The following IL1RAPL2 variants were observed in gnomAD, a reference collection of about 807,000 sequenced individuals.
IL1RAPL2 encodes interleukin 1 receptor accessory protein like 2.
IL1RAPL2 carries 3 observed loss-of-function variants against 44.1 expected under a neutral mutation model. The ratio of observed to expected loss-of-function variants is 0.07; its 90% CI spans 0.03 to 0.18. IL1RAPL2 has a LOEUF of 0.18. IL1RAPL2 is among the 10% of genes least tolerant of loss of function. The pLI is 1.00. For synonymous variants in IL1RAPL2, 181 were observed against 178.8 expected (o/e 1.01, Z -0.10); for missense variants, 391 against 496.4 (o/e 0.79, Z 2.02).
At position 105,525,051 on chromosome X, in the gene IL1RAPL2, A is replaced by G. The variant is rs183203590; in HGVS notation, c.772+40664A>G. ...TCTAGGATATTTTCTTGTTGCTGCT[A>G]GTTTGGGTTCACATTGTGACCCACT... is the stretch of plus-strand genomic sequence containing the variant. On this transcript the variant is annotated intron_variant, in intron 6 of 10. Coordinates refer to ENST00000372582, the MANE Select transcript of IL1RAPL2 (RefSeq NM_017416.2). Among the ~76,000 whole-genome samples, 19 of 111,570 alleles carry G rather than the reference A, an allele frequency of 1.7e-4. No homozygotes were observed. In the East Asian group the frequency reaches 5.4e-3, roughly 31 times the overall value.
At position 105,110,094 on chromosome X, in the gene IL1RAPL2, C is replaced by T. The variant is rs189946944; in HGVS notation, c.83-85381C>T. On this transcript the variant is annotated intron_variant, in intron 2 of 10. Transcript: ENST00000372582. ...CAGCAAATTCATGACCAGACATATA[C>T]GAAAGCCTTTGTCTCCTGAGTCTCA... is the stretch of plus-strand genomic sequence containing the variant. Among the ~76,000 whole-genome samples, 191 of 111,934 alleles carry T rather than the reference C, an allele frequency of 1.7e-3. 1 individual carries two copies. The highest frequency in any genetic ancestry group is 3.0e-3 in the Admixed American group (32 of 10,581).
intron 2 of IL1RAPL2, among the ~76,000 whole-genome samples, chrX:104,682,098 A>G (rs764901187): frequency 5.3e-5 from 6 of 112,426 alleles, no homozygotes; most frequent in Non-Finnish European, 7.5e-5. Flanking sequence ...GTTTGGACCT[A>G]ACCTTTGAGT....
intron 6 of IL1RAPL2, among the ~76,000 whole-genome samples, chrX:105,666,306 G>A (rs1278375472): frequency 9.0e-6 from 1 of 110,677 alleles, no homozygotes; most frequent in Admixed American, 9.6e-5. Flanking sequence ...GGGTCCAGGG[G>A]GGTCACTGCC....
intron 5 of IL1RAPL2, among the ~76,000 whole-genome samples, chrX:105,347,195 C>T (rs1327971434): frequency 8.9e-6 from 1 of 111,924 alleles, no homozygotes; most frequent in African/African-American, 3.3e-5. Flanking sequence ...TCTTTGTGTC[C>T]ATTTCTTGCT....
rs1260811212 is a variant in IL1RAPL2 at position 105,064,682 on chromosome X, A to G, written c.83-130793A>G. On this transcript the variant is annotated intron_variant, in intron 2 of 10. Coordinates refer to ENST00000372582, the MANE Select transcript of IL1RAPL2 (RefSeq NM_017416.2). The stretch of plus-strand genomic sequence containing the variant: ...TTAAAGAAAATATCATTCAAAAATC[A>G]TAAGGAAAAGAAATATATTTATTTA... Among the ~76,000 whole-genome samples, 12 of 112,530 alleles carry G rather than the reference A, an allele frequency of 1.1e-4. No individual in the cohort carries two copies. The Admixed American group carries it at 1.1e-3, about 11-fold the overall frequency.
intron 6 of IL1RAPL2, among the ~76,000 whole-genome samples, chrX:105,486,056 C>T (rs1248790468): frequency 8.9e-6 from 1 of 111,876 alleles, no homozygotes; most frequent in African/African-American, 3.2e-5. Context: ...AGTGGTTGTA[C>T]TAATTTACAT....
intron 5 of IL1RAPL2, among the ~76,000 whole-genome samples, chrX:105,379,776 T>C (rs2035416089): frequency 8.9e-6 from 1 of 111,768 alleles, no homozygotes; most frequent in South Asian, 3.7e-4. Context: ...TTTAAAGCAG[T>C]TATCAAAAGG....
intron 2 of IL1RAPL2, among the ~76,000 whole-genome samples, chrX:105,131,054 C>T (rs1487676155): frequency 9.0e-6 from 1 of 111,305 alleles, no homozygotes; most frequent in Non-Finnish European, 1.9e-5. Flanking sequence ...GGTAGTGTAA[C>T]TAAATTTACA....
At chrX:105,035,254 A>G (rs753979830) in intron 2 of IL1RAPL2, among the ~76,000 whole-genome samples, 51 of 111,420 alleles carry the variant, frequency 4.6e-4, no homozygotes, top group Admixed American at 1.9e-3. Context: ...ACTGTCCTGC[A>G]CCCACTTTCT....
chrX:105,675,160 T>C (rs779387810), intron 6 of IL1RAPL2, among the ~76,000 whole-genome samples: 1 of 111,459 alleles, frequency 9.0e-6, no homozygotes, highest in East Asian at 2.8e-4. Context: ...TATTTATTTC[T>C]CCTGCCTGGT....
chrX:105,705,924 A>C (rs1378840877), intron 6 of IL1RAPL2, among the ~76,000 whole-genome samples: 1 of 111,771 alleles, frequency 8.9e-6, no homozygotes, highest in Non-Finnish European at 1.9e-5. Flanking sequence ...TGTTTTCAGA[A>C]GCCTATATGC....
Position 104,940,410 on chromosome X carries a change from A to G in IL1RAPL2, c.83-255065A>G, listed in dbSNP as rs141342330. On this transcript the variant is annotated intron_variant, in intron 2 of 10. Transcript: ENST00000372582. ...ATGTAAAGGTATTTAAAATTATATTACCAGCATACTTTCAAAAAGTTCTAG... is the reference window on the plus strand; with the variant it reads ...ATGTAAAGGTATTTAAAATTATATTGCCAGCATACTTTCAAAAAGTTCTAG... Among the ~76,000 whole-genome samples the G allele has an allele frequency of 4.9e-3, 552 of 111,889 alleles. 6 individuals are homozygous for G. Among genetic ancestry groups the G allele is most frequent in the African/African-American group, 0.017 (515 of 30,801 alleles).
At chrX:105,209,765 T>A (rs1556155906) in intron 3 of IL1RAPL2, among the ~76,000 whole-genome samples, 1 of 112,116 alleles carries the variant, frequency 8.9e-6, no homozygotes. Flanking sequence ...CATGAAAATG[T>A]TAATATCTTT....
At chrX:104,967,382 T>C (rs751532355) in intron 2 of IL1RAPL2, among the ~76,000 whole-genome samples, 78 of 111,239 alleles carry the variant, frequency 7.0e-4, no homozygotes, top group African/African-American at 2.5e-3. Flanking sequence ...AAAAAGTACA[T>C]GTAAAAACTT....
At chrX:105,110,211 T>C (rs1196956442) in intron 2 of IL1RAPL2, among the ~76,000 whole-genome samples, 1 of 112,274 alleles carries the variant, frequency 8.9e-6, no homozygotes, top group Non-Finnish European at 1.9e-5. Flanking sequence ...AAAGTAGTAA[T>C]CCCTATCTGC....
intron 6 of IL1RAPL2, among the ~76,000 whole-genome samples, chrX:105,615,333 A>G (rs1228004797): frequency 8.9e-6 from 1 of 111,971 alleles, no homozygotes; most frequent in Non-Finnish European, 1.9e-5. Context: ...TGCTGTGTAC[A>G]GAACCAAGAG....
intron 2 of IL1RAPL2, among the ~76,000 whole-genome samples, chrX:104,766,368 GGCCTGCCTGCCT>G (rs3081246): frequency 2.9e-3 from 177 of 60,302 alleles, no homozygotes; most frequent in Middle Eastern, 8.5e-3. Context: ...ATTCCTGGCT[GGCCTGCCTGCCT>G]GCCTGCCTGC....
intron 2 of IL1RAPL2, among the ~76,000 whole-genome samples, chrX:104,741,972 A>G (rs1328449248): frequency 2.7e-5 from 3 of 111,609 alleles, no homozygotes; most frequent in Non-Finnish European, 5.7e-5. Context: ...TAATTTTCTC[A>G]TTTTGTGCAG....
intron 2 of IL1RAPL2, among the ~76,000 whole-genome samples, chrX:104,791,173 G>T (rs867419759): frequency 9.2e-6 from 1 of 108,507 alleles, no homozygotes; most frequent in Non-Finnish European, 1.9e-5. Context: ...TGCCTGCCCT[G>T]CCTTGCCCTG....
Sources: allele counts gnomAD v4.1 joint callset (sites outside exome capture counted in the v4.1 genomes callset), GRCh38; gene constraint gnomAD v4.1.1; transcripts MANE v1.5; gene names NCBI Gene and HGNC (gene_info 2026-07-23, HGNC 2026-07-21).